The following RAB5B variants were observed in gnomAD, a reference collection of about 807,000 sequenced individuals.
The protein encoded by RAB5B is ras-related protein Rab-5B.
Under a neutral mutation model 28.6 loss-of-function variants are expected in RAB5B, and 11 were observed. The ratio of observed to expected loss-of-function variants is 0.38; its 90% CI spans 0.24 to 0.64. The LOEUF (loss-of-function observed/expected upper bound fraction) is 0.64. Among genes scored for constraint, RAB5B ranks in the 30% least tolerant of loss-of-function variants. The pLI is 0.53. For missense variants in RAB5B, 169 were observed against 265.6 expected, an observed-to-expected ratio of 0.64 and a Z score of 2.53; for synonymous variants, 93 against 97.9, an observed-to-expected ratio of 0.95 and a Z score of 0.29.
intron 2 of RAB5B, among the ~76,000 whole-genome samples, chr12:55,987,814 A>G (rs1231429498): frequency 6.7e-6 from 1 of 149,186 alleles, no homozygotes; most frequent in Non-Finnish European, 1.5e-5. Flanking sequence ...CTGGGCGACA[A>G]GAGCAAAACT....
In RAB5B at chr12:55,986,879, G is replaced by A. The variant is rs191222040; in HGVS notation, c.-82G>A. On this transcript the variant is annotated 5_prime_UTR_variant, in exon 2 of 6. Coordinates refer to ENST00000360299, the MANE Select transcript of RAB5B (RefSeq NM_002868.4). Reference sequence around the variant, plus strand: ...TTTTTTTTCTTGCAGGAGTGTTGAAGCCTGGAAATCCCCTCCCCTTCCCCC... The same window carrying A: ...TTTTTTTTCTTGCAGGAGTGTTGAAACCTGGAAATCCCCTCCCCTTCCCCC... 1.8e-4 allele frequency: 177 copies of A among 984,432 alleles called. 2 individuals carry two copies. The East Asian group carries it at 2.3e-3, about 13-fold the overall frequency. 61.0% of individuals were successfully genotyped at this position (984,432 alleles called of 1,614,324 possible).
At chr12:55,976,885 C>T (rs1486776940) in intron 1 of RAB5B, among the ~76,000 whole-genome samples, 1 of 152,174 alleles carries the variant, frequency 6.6e-6, no homozygotes, top group African/African-American at 2.4e-5. Context: ...TTGTACCCAG[C>T]CTTTGTACAG....
At chr12:55,988,632 C>A (rs1219600816) in intron 2 of RAB5B, among the ~76,000 whole-genome samples, 1 of 151,816 alleles carries the variant, frequency 6.6e-6, no homozygotes, top group Non-Finnish European at 1.5e-5. Flanking sequence ...GCCTCCTGAG[C>A]AGCGGAGATT....
chr12:55,992,242 G>A lies in RAB5B; in HGVS notation c.*30G>A, dbSNP rs750100977. ...GTGGCTAGCAGCAAACAAGTATGGA[G>A]CTAGCACAAGAGCTAAGAAATAACC... On this transcript the variant is annotated 3_prime_UTR_variant, in exon 6 of 6. Transcript: ENST00000360299. The A allele has an allele frequency of 1.9e-6, 3 of 1,546,568 alleles. No homozygotes were observed. In the African/African-American group the frequency reaches 4.1e-5, roughly 21 times the overall value.
chr12:55,985,886 C>T (rs761751780), intron 1 of RAB5B, among the ~76,000 whole-genome samples: 161 of 152,020 alleles, frequency 1.1e-3, no homozygotes, highest in Non-Finnish European at 9.1e-4. Flanking sequence ...ATGGCAGAAA[C>T]AAAGTGAAAA....
At chr12:55,979,129 T>G (rs1333126345) in intron 1 of RAB5B, among the ~76,000 whole-genome samples, 1 of 152,068 alleles carries the variant, frequency 6.6e-6, no homozygotes, top group Non-Finnish European at 1.5e-5. Flanking sequence ...TGATTAATTC[T>G]GTGGGGGAGA....
rs1207856151 is a variant in RAB5B at position 55,995,999 on chromosome 12, A to ATTTT, written c.*3788_*3789insTTTT. 1 of 85,832 alleles carries ATTTT rather than the reference A, an allele frequency of 1.2e-5. No homozygotes were observed. The highest frequency in any genetic ancestry group is 2.4e-5 in the Non-Finnish European group (1 of 42,430). The allele number at this position is 85,832 out of a possible 1,614,324, so 5.3% of individuals were successfully genotyped here. On this transcript the variant is annotated 3_prime_UTR_variant, in exon 6 of 6. Transcript: ENST00000360299. The stretch of plus-strand genomic sequence containing the variant: ...TATATATATACATATATATATATAT[A>ATTTT]TATATTTTTTTTTTAACAACTGGTA...
chr12:55,992,043 G>A, intron 5 of RAB5B, 54 bp from the exon 6 acceptor site: 1 of 1,402,994 alleles, frequency 7.1e-7, no homozygotes, highest in Non-Finnish European at 1.0e-6. Context: ...TGGAGGCAGA[G>A]GGGTAGGGAA....
At position 55,989,957 on chromosome 12, in the gene RAB5B, C is replaced by T. The variant is rs770872608; in HGVS notation, c.174C>T (p.Leu58=). The change falls in exon 3 of 6, where the codon CTC becomes CTT. Residue 58 remains leucine, a synonymous_variant. Transcript: ENST00000360299. ...TTCTCTCATCCATAGCGGCCTTCCT[C>T]ACCCAGTCCGTTTGTCTAGATGACA... The part of the protein sequence containing the change: ...YQESTIGAAF[L]TQSVCLDDTT... The T allele has an allele frequency of 6.8e-6, 11 of 1,613,096 alleles. No homozygotes were observed. The highest frequency in any genetic ancestry group is 1.3e-5 in the African/African-American group (1 of 74,902).
chr12:55,990,586 C>G, intron 3 of RAB5B, 96 bp from the exon 4 acceptor site: 1 of 1,474,986 alleles, frequency 6.8e-7, no homozygotes, highest in Non-Finnish European at 9.3e-7. Flanking sequence ...GAGGGAAGAC[C>G]ACCTAGAAGA....
chr12:55,986,515 C>T (rs940319771), intron 1 of RAB5B, among the ~76,000 whole-genome samples: 4 of 152,054 alleles, frequency 2.6e-5, no homozygotes, highest in East Asian at 3.9e-4. Flanking sequence ...TCTAGGGTAC[C>T]GGTGGGTGGA....
At position 55,996,551 on chromosome 12, in the gene RAB5B, C is replaced by T. The variant is rs1051541994; in HGVS notation, c.*4339C>T. The T allele has an allele frequency of 2.0e-5, 3 of 152,354 alleles. No individual in the cohort carries two copies. The highest frequency in any genetic ancestry group is 1.5e-5 in the Non-Finnish European group (1 of 68,074). 9.4% of individuals were successfully genotyped at this position (152,354 alleles called of 1,614,324 possible). ...GGAGTGCAGTGCCGCGATCTTGGCTCAGTGCAACCTCGAACTCCTGGGCTT... is the reference window on the plus strand; with the variant it reads ...GGAGTGCAGTGCCGCGATCTTGGCTTAGTGCAACCTCGAACTCCTGGGCTT... On this transcript the variant is annotated 3_prime_UTR_variant, in exon 6 of 6. Transcript: ENST00000360299.
chr12:55,994,993 A>AGGG lies in RAB5B; in HGVS notation c.*2781_*2782insGGG. On this transcript the variant is annotated 3_prime_UTR_variant, in exon 6 of 6. Transcript: ENST00000360299. ...TATCTTTTTAGGCCCTCTTAACAGA[A>AGGG]TGTATATGTGTAGGGTATGGTCTGT... 6.6e-6 allele frequency: 1 copy of AGGG among 152,128 alleles called. No individual in the cohort carries two copies. The highest frequency in any genetic ancestry group is 1.5e-5 in the Non-Finnish European group (1 of 68,026). The allele number at this position is 152,128 out of a possible 1,614,324, so 9.4% of individuals were successfully genotyped here.
intron 4 of RAB5B, 104 bp downstream of exon 4, chr12:55,990,908 G>A (rs1890096239): frequency 7.1e-7 from 1 of 1,402,838 alleles, no homozygotes; most frequent in Non-Finnish European, 9.8e-7. Flanking sequence ...GACATTCATT[G>A]TCTCATTCCC....
Position 55,988,530 on chromosome 12 carries a change from C to T in RAB5B, c.163+1407C>T, listed in dbSNP as rs538971902. 3.9e-5 allele frequency among the ~76,000 whole-genome samples: 6 copies of T among 152,080 alleles called. No individual in the cohort carries two copies. The South Asian group carries it at 6.2e-4, about 16-fold the overall frequency. Reference sequence around the variant, plus strand: ...TTTATTTATTTATTTATTTTTGAGACGGAGTCTCTGTCGCCCAGACTGGAG... The same window carrying T: ...TTTATTTATTTATTTATTTTTGAGATGGAGTCTCTGTCGCCCAGACTGGAG... On this transcript the variant is annotated intron_variant, in intron 2 of 5. Coordinates refer to ENST00000360299, the MANE Select transcript of RAB5B (RefSeq NM_002868.4).
In RAB5B at chr12:55,995,999, A is replaced by ATTTTTTTTTTTTTTTTTTTT. The variant is rs1207856151; in HGVS notation, c.*3788_*3789insTTTTTTTTTTTTTTTTTTTT. The ATTTTTTTTTTTTTTTTTTTT allele has an allele frequency of 1.2e-5, 1 of 85,832 alleles. No homozygotes were observed. The highest frequency in any genetic ancestry group is 5.4e-5 in the African/African-American group (1 of 18,356). The allele number at this position is 85,832 out of a possible 1,614,324, so 5.3% of individuals were successfully genotyped here. A position where few individuals can be genotyped will look rare whatever the true frequency, so the allele number is the denominator to read the frequency against. ...TATATATATACATATATATATATATATATATTTTTTTTTTAACAACTGGTA... is the reference window on the plus strand; with the variant it reads ...TATATATATACATATATATATATATATTTTTTTTTTTTTTTTTTTTTATATTTTTTTTTTAACAACTGGTA... On this transcript the variant is annotated 3_prime_UTR_variant, in exon 6 of 6. Transcript: ENST00000360299.
chr12:55,980,353 C>G, intron 1 of RAB5B: 1 of 1,253,820 alleles, frequency 8.0e-7, no homozygotes, highest in Non-Finnish European at 1.2e-6. Context: ...CTATTTCTCC[C>G]CTGCTCACTC....
chr12:55,979,510 G>C (rs948983695), intron 1 of RAB5B: 3 of 152,138 alleles, frequency 2.0e-5, no homozygotes, highest in African/African-American at 7.2e-5. Flanking sequence ...TCCCTACTTA[G>C]TAAAACTCTC....
rs1229359109 is a variant in RAB5B at position 55,986,872 on chromosome 12, T to C, written c.-89T>C. On this transcript the variant is annotated 5_prime_UTR_variant, in exon 2 of 6. Transcript: ENST00000360299. ...TATTCACTTTTTTTTCTTGCAGGAG[T>C]GTTGAAGCCTGGAAATCCCCTCCCC... 4.3e-6 allele frequency: 4 copies of C among 939,994 alleles called. No individual in the cohort carries two copies. The Admixed American group carries it at 6.2e-5, about 14-fold the overall frequency. 58.2% of individuals were successfully genotyped at this position (939,994 alleles called of 1,614,324 possible).
Sources: allele counts gnomAD v4.1 joint callset (sites outside exome capture counted in the v4.1 genomes callset), GRCh38; gene constraint gnomAD v4.1.1; transcripts MANE v1.5; gene names NCBI Gene and HGNC (gene_info 2026-07-23, HGNC 2026-07-21).